The following ASTN2 variants were observed in gnomAD, a reference collection of about 807,000 sequenced individuals.
ASTN2 encodes astrotactin 2.
ASTN2 carries 54 observed loss-of-function variants against 139.8 expected under a neutral mutation model. That is an observed-to-expected ratio of 0.39 (90% CI 0.31 to 0.48). The LOEUF is 0.48. ASTN2 is among the 20% of genes least tolerant of loss of function. ASTN2 has a pLI of 0.95. For missense variants in ASTN2, 1,565 were observed against 1,725.1 expected (o/e 0.91, Z 1.64); for synonymous variants, 756 against 719.5 (o/e 1.05, Z -0.81).
intron 16 of ASTN2, chr9:116,687,211 C>A (rs940400835): frequency 9.9e-7 from 1 of 1,009,544 alleles, no homozygotes; most frequent in Non-Finnish European, 1.2e-6. Flanking sequence ...GCCCCGCGCG[C>A]TTGGGGCCAG....
At chr9:116,833,642 T>C (rs2132289099) in intron 11 of ASTN2, among the ~76,000 whole-genome samples, 1 of 152,326 alleles carries the variant, frequency 6.6e-6, no homozygotes, top group East Asian at 1.9e-4. Context: ...TCTAGTTCAG[T>C]CCATTTTTTA....
At chr9:116,614,873 G>A (rs1019176169) in intron 19 of ASTN2, among the ~76,000 whole-genome samples, 5 of 152,108 alleles carry the variant, frequency 3.3e-5, no homozygotes, top group Non-Finnish European at 7.4e-5. Flanking sequence ...ATTGACAAAT[G>A]GGATCTAATT....
chr9:117,193,806 G>A (rs184250244), intron 3 of ASTN2, among the ~76,000 whole-genome samples: 3 of 152,154 alleles, frequency 2.0e-5, no homozygotes, highest in East Asian at 1.9e-4. Context: ...TGCCCTGCAC[G>A]TGCTCCTGGC....
chr9:117,224,504 C>T (rs942899908), intron 2 of ASTN2, among the ~76,000 whole-genome samples: 17 of 152,182 alleles, frequency 1.1e-4, no homozygotes, highest in African/African-American at 3.4e-4. Context: ...AGGCTCCAAG[C>T]GGTGATTGTG....
chr9:116,600,405 G>C (rs1029325872), intron 19 of ASTN2, among the ~76,000 whole-genome samples: 2 of 151,764 alleles, frequency 1.3e-5, no homozygotes, highest in Non-Finnish European at 2.9e-5. Context: ...CTGATCCCCT[G>C]ATCCATGGGC....
intron 1 of ASTN2, among the ~76,000 whole-genome samples, chr9:117,400,652 GTGTT>G (rs1486435415): frequency 1.3e-5 from 2 of 152,210 alleles, no homozygotes; most frequent in African/African-American, 4.8e-5. Context: ...TCAGAGCTGA[GTGTT>G]TGATCTTCAG....
At chr9:116,883,065 A>G (rs1305987981) in intron 10 of ASTN2, among the ~76,000 whole-genome samples, 1 of 152,232 alleles carries the variant, frequency 6.6e-6, no homozygotes, top group Non-Finnish European at 1.5e-5. Flanking sequence ...TGAGCAATGC[A>G]GATGATGACA....
intron 13 of ASTN2, among the ~76,000 whole-genome samples, chr9:116,749,237 G>C (rs1380591134): frequency 6.6e-6 from 1 of 152,148 alleles, no homozygotes; most frequent in Non-Finnish European, 1.5e-5. Context: ...GCTGTAAAAT[G>C]CACCACTCTA....
At chr9:117,318,774 TGAGC>T (rs1828227773) in intron 1 of ASTN2, among the ~76,000 whole-genome samples, 1 of 152,184 alleles carries the variant, frequency 6.6e-6, no homozygotes, top group Non-Finnish European at 1.5e-5. Context: ...GTCCCATGCC[TGAGC>T]AATCAGCTGC....
chr9:116,824,207 G>T (rs998435449), intron 11 of ASTN2, among the ~76,000 whole-genome samples: 1 of 152,134 alleles, frequency 6.6e-6, no homozygotes, highest in African/African-American at 2.4e-5. Flanking sequence ...TAAATAGTAC[G>T]GTAGCCAGCT....
At chr9:116,948,810 T>TTTTTTTTTTTTA (rs1835477537) in intron 10 of ASTN2, among the ~76,000 whole-genome samples, 1 of 102,584 alleles carries the variant, frequency 9.7e-6, no homozygotes, top group African/African-American at 3.0e-5. Flanking sequence ...TTTTTTTTTT[T>TTTTTTTTTTTTA]GAGAAGGAGT....
intron 7 of ASTN2, among the ~76,000 whole-genome samples, chr9:117,006,042 T>C (rs987431944): frequency 6.6e-6 from 1 of 152,088 alleles, no homozygotes; most frequent in Non-Finnish European, 1.5e-5. Context: ...GCCAGTGTAA[T>C]CAAACTTCCT....
intron 10 of ASTN2, among the ~76,000 whole-genome samples, chr9:116,887,380 G>A (rs1833639484): frequency 6.6e-6 from 1 of 151,848 alleles, no homozygotes; most frequent in Admixed American, 6.6e-5. Context: ...AGGATGGGAG[G>A]GGTGCAGGAT....
chr9:116,841,269 C>G (rs1035561826), intron 11 of ASTN2, among the ~76,000 whole-genome samples: 1 of 152,044 alleles, frequency 6.6e-6, no homozygotes, highest in Non-Finnish European at 1.5e-5. Context: ...CGCAGGCACT[C>G]GGCAAGCTGA....
intron 20 of ASTN2, among the ~76,000 whole-genome samples, chr9:116,459,551 T>A (rs1382964786): frequency 1.3e-5 from 2 of 151,998 alleles, no homozygotes; most frequent in Non-Finnish European, 2.9e-5. Flanking sequence ...AAAGTAGCAT[T>A]ACAACTGAAC....
At position 116,651,700 on chromosome 9, in the gene ASTN2, T is replaced by C; in HGVS notation, c.2900A>G (p.Asp967Gly). The C allele has an allele frequency of 4.3e-6, 7 of 1,614,174 alleles. No homozygotes were observed. Among genetic ancestry groups the C allele is most frequent in the African/African-American group, 1.3e-5 (1 of 75,036 alleles). Residue 967 changes from aspartate (D) to glycine (G), a missense_variant, in exon 17 of 23, where the codon GAC becomes GGC. Coordinates refer to ENST00000313400, the MANE Select transcript of ASTN2 (RefSeq NM_001365068.1). ...AATCTCCACACCTGAAATGAGCTGGTCATCTGACAGCATCTGGGCTGTCAG... is the reference window on the plus strand; with the variant it reads ...AATCTCCACACCTGAAATGAGCTGGCCATCTGACAGCATCTGGGCTGTCAG... ...GLLTAQMLSD[D>G]QLISGVEIRC...
At chr9:116,788,001 A>AT (rs1235322767) in intron 13 of ASTN2, among the ~76,000 whole-genome samples, 1 of 152,186 alleles carries the variant, frequency 6.6e-6, no homozygotes, top group African/African-American at 2.4e-5. Context: ...AAAATAAAAA[A>AT]ATATATTTTT....
intron 10 of ASTN2, among the ~76,000 whole-genome samples, chr9:116,946,681 G>A (rs547709865): frequency 3.9e-5 from 6 of 152,108 alleles, no homozygotes; most frequent in African/African-American, 7.2e-5. Context: ...AGTGTTTTTC[G>A]TTAAGGTCAG....
At chr9:116,772,505 A>T (rs2132187714) in intron 13 of ASTN2, among the ~76,000 whole-genome samples, 1 of 152,374 alleles carries the variant, frequency 6.6e-6, no homozygotes, top group East Asian at 1.9e-4. Context: ...ATTTAATAGC[A>T]GCATGAGAAC....
Sources: allele counts gnomAD v4.1 joint callset (sites outside exome capture counted in the v4.1 genomes callset), GRCh38; gene constraint gnomAD v4.1.1; transcripts MANE v1.5; gene names NCBI Gene and HGNC (gene_info 2026-07-23, HGNC 2026-07-21).